Variants in BRINP3 observed in about 807,000 individuals in gnomAD.
BRINP3 encodes the protein BMP/retinoic acid-inducible neural-specific protein 3.
A neutral mutation model predicts 71.0 loss-of-function variants in BRINP3; 19 were observed. The observed-to-expected ratio is 0.27, with a 90% CI of 0.19 to 0.39. The LOEUF (loss-of-function observed/expected upper bound fraction) is 0.39. BRINP3 is among the 10% of genes least tolerant of loss of function. The pLI, the probability that BRINP3 is intolerant of heterozygous loss-of-function variation, is 1.00. For missense variants in BRINP3, 959 were observed against 940.8 expected (o/e 1.02, Z -0.25); for synonymous variants, 380 against 337.7 (o/e 1.13, Z -1.37).
chr1:190,354,786 TC>T (rs1271566180), intron 2 of BRINP3, among the ~76,000 whole-genome samples: 3 of 151,272 alleles, frequency 2.0e-5, no homozygotes, highest in Admixed American at 6.6e-5. Context: ...TTTTTTTTTT[TC>T]CTATTTAAAC....
intron 4 of BRINP3, among the ~76,000 whole-genome samples, chr1:190,250,300 G>A (rs1558108740): frequency 6.6e-6 from 1 of 151,910 alleles, no homozygotes; most frequent in East Asian, 1.9e-4. Flanking sequence ...ACCTAGCTAA[G>A]TTTTATTTAA....
chr1:190,293,818 T>C (rs975870274), intron 2 of BRINP3, among the ~76,000 whole-genome samples: 11 of 152,160 alleles, frequency 7.2e-5, no homozygotes, highest in Non-Finnish European at 1.5e-5. Context: ...GTCTATTTTA[T>C]ATAATGTAAG....
chr1:190,466,047 A>G (rs1298613653), intron 1 of BRINP3, among the ~76,000 whole-genome samples: 2 of 151,862 alleles, frequency 1.3e-5, no homozygotes, highest in East Asian at 1.9e-4. Context: ...TGTTATTAAA[A>G]GAATTTTGTC....
chr1:190,214,481 T>C (rs1425089244), intron 6 of BRINP3, among the ~76,000 whole-genome samples: 1 of 152,040 alleles, frequency 6.6e-6, no homozygotes, highest in East Asian at 1.9e-4. Flanking sequence ...CAGTGCACTG[T>C]AGAGTCATTG....
intron 2 of BRINP3, among the ~76,000 whole-genome samples, chr1:190,434,188 G>A (rs937177749): frequency 2.6e-5 from 4 of 151,782 alleles, no homozygotes; most frequent in Non-Finnish European, 5.9e-5. Flanking sequence ...GCCAGATCTC[G>A]ACTCACTGCA....
At chr1:190,160,163 T>C (rs1319680186) in intron 7 of BRINP3, among the ~76,000 whole-genome samples, 1 of 152,042 alleles carries the variant, frequency 6.6e-6, no homozygotes, top group Non-Finnish European at 1.5e-5. Flanking sequence ...ATAATTTAAT[T>C]GTTGTCATCA....
rs372368825 is a variant in BRINP3, at chr1:190,293,216, G to T, written c.237-11466C>A. Among the ~76,000 whole-genome samples, 7 of 151,784 alleles carry T rather than the reference G, an allele frequency of 4.6e-5. 1 individual carries two copies. In the East Asian group the frequency reaches 1.2e-3, roughly 25 times the overall value. ...TATTTCATATGTATTGTTATGTTTT[G>T]ATTTCCTTTTTATGCATTTTAAGAC... is the stretch of plus-strand genomic sequence containing the variant. On this transcript the variant is annotated intron_variant, in intron 2 of 7. Transcript: ENST00000367462.
chr1:190,309,456 C>T (rs1048814309), intron 2 of BRINP3, among the ~76,000 whole-genome samples: 6 of 151,638 alleles, frequency 4.0e-5, no homozygotes, highest in Non-Finnish European at 5.9e-5. Context: ...TTTTATGATA[C>T]GTCTATTTTA....
At chr1:190,265,456 C>T (rs1259431752) in intron 3 of BRINP3, among the ~76,000 whole-genome samples, 1 of 151,678 alleles carries the variant, frequency 6.6e-6, no homozygotes, top group South Asian at 2.1e-4. Flanking sequence ...AATCCCAGCA[C>T]TATGGAAGGC....
At chr1:190,303,501 C>T (rs1279683092) in intron 2 of BRINP3, among the ~76,000 whole-genome samples, 7 of 151,772 alleles carry the variant, frequency 4.6e-5, no homozygotes, top group African/African-American at 1.7e-4. Flanking sequence ...ACATAATTAT[C>T]TGACAATGAA....
At chr1:190,282,448 G>T (rs943950325) in intron 2 of BRINP3, among the ~76,000 whole-genome samples, 1 of 151,754 alleles carries the variant, frequency 6.6e-6, no homozygotes, top group African/African-American at 2.4e-5. Context: ...TAATAAATTA[G>T]AAAAGAATTA....
intron 6 of BRINP3, among the ~76,000 whole-genome samples, chr1:190,166,776 T>A (rs947124474): frequency 2.0e-5 from 3 of 151,990 alleles, no homozygotes; most frequent in Non-Finnish European, 4.4e-5. Context: ...CAGGCTGGAG[T>A]CCAGTGGGAT....
chr1:190,322,370 C>G lies in BRINP3; in HGVS notation c.237-40620G>C, dbSNP rs577124988. Reference sequence around the variant, plus strand: ...AGGATTGCTTTGCTCTCAGTTTTGCCTGAGAACAAAATAATAGTCTGCACC... The same window carrying G: ...AGGATTGCTTTGCTCTCAGTTTTGCGTGAGAACAAAATAATAGTCTGCACC... On this transcript the variant is annotated intron_variant, in intron 2 of 7. Coordinates refer to ENST00000367462, the MANE Select transcript of BRINP3 (RefSeq NM_199051.3). 3.3e-5 allele frequency among the ~76,000 whole-genome samples: 5 copies of G among 152,112 alleles called. No individual in the cohort carries two copies. In the South Asian group the frequency reaches 1.0e-3, roughly 32 times the overall value.
chr1:190,408,935 T>G (rs889529122), intron 2 of BRINP3, among the ~76,000 whole-genome samples: 1 of 152,174 alleles, frequency 6.6e-6, no homozygotes, highest in Non-Finnish European at 1.5e-5. Context: ...CAAGGGACAT[T>G]TGGCCTTGTC....
chr1:190,462,006 C>T (rs920911620), intron 1 of BRINP3, among the ~76,000 whole-genome samples: 1 of 152,068 alleles, frequency 6.6e-6, no homozygotes, highest in Non-Finnish European at 1.5e-5. Context: ...CTCCTCCTCC[C>T]AGTTCAGGCG....
At chr1:190,393,873 T>A (rs1292279669) in intron 2 of BRINP3, among the ~76,000 whole-genome samples, 1 of 151,552 alleles carries the variant, frequency 6.6e-6, no homozygotes, top group Non-Finnish European at 1.5e-5. Flanking sequence ...TTTTAATGTA[T>A]CCACATGCCT....
intron 2 of BRINP3, among the ~76,000 whole-genome samples, chr1:190,412,144 T>TAA (rs540411400): frequency 1.4e-5 from 2 of 141,832 alleles, no homozygotes; most frequent in African/African-American, 2.6e-5. Flanking sequence ...CAGAACTCAA[T>TAA]AAAAAAAAAA....
chr1:190,226,939 G>C (rs1657440739), intron 5 of BRINP3, among the ~76,000 whole-genome samples: 1 of 151,832 alleles, frequency 6.6e-6, no homozygotes, highest in Non-Finnish European at 1.5e-5. Context: ...CAGTCCTAGT[G>C]ATATAACTCA....
intron 6 of BRINP3, among the ~76,000 whole-genome samples, chr1:190,189,616 T>C (rs1333900808): frequency 1.3e-5 from 2 of 152,144 alleles, no homozygotes; most frequent in Non-Finnish European, 2.9e-5. Context: ...TTGTTTTTAA[T>C]TTAAATCTAT....
Sources: gnomAD v4.1 joint callset for allele counts (sites outside exome capture counted in the v4.1 genomes callset) on GRCh38, gnomAD v4.1.1 for gene constraint, MANE v1.5 for transcripts, NCBI Gene and HGNC (gene_info 2026-07-23, HGNC 2026-07-21) for gene names.